CIMIP6: variants seen among roughly 807,000 people sequenced by gnomAD.
The protein encoded by CIMIP6 is uncharacterized protein C2orf73.
chr2:54,377,745 C>A, the CIMIP6 span, among the ~76,000 whole-genome samples: 1 of 140,338 alleles, frequency 7.1e-6, no homozygotes, highest in Admixed American at 7.1e-5. Context: ...GGCTTGGCGT[C>A]GGGGCTGGAG....
chr2:54,360,348 G>C, the CIMIP6 span: 2 of 1,610,686 alleles, frequency 1.2e-6, no homozygotes, highest in Admixed American at 1.7e-5. Context: ...GCGGAAAGCA[G>C]AATGATCTCA....
At chr2:54,383,889 G>C in the CIMIP6 span, 3 of 152,130 alleles carry the variant, frequency 2.0e-5, no homozygotes, top group East Asian at 1.9e-4. Flanking sequence ...AAAAGGACAA[G>C]GTAGGCCCCC....
At chr2:54,344,422 T>C in the CIMIP6 span, among the ~76,000 whole-genome samples, 4 of 152,030 alleles carry the variant, frequency 2.6e-5, no homozygotes, top group East Asian at 1.9e-4. Context: ...TAGAAGCCTA[T>C]TGATAGATAA....
the CIMIP6 span, among the ~76,000 whole-genome samples, chr2:54,376,753 C>T: frequency 6.6e-6 from 1 of 152,218 alleles, no homozygotes; most frequent in Admixed American, 6.5e-5. Context: ...GGTGTTCACA[C>T]ACCTCAACAG....
chr2:54,351,853 C>G, the CIMIP6 span, among the ~76,000 whole-genome samples: 1 of 152,218 alleles, frequency 6.6e-6, no homozygotes, highest in Admixed American at 6.5e-5. Flanking sequence ...AAAGCTTTGA[C>G]AATCAAAACA....
chr2:54,357,135 T>G, the CIMIP6 span, among the ~76,000 whole-genome samples: 2 of 152,222 alleles, frequency 1.3e-5, no homozygotes, highest in African/African-American at 4.8e-5. Context: ...AGCAGTTGAT[T>G]GCAATTAGAA....
At chr2:54,336,670 G>A in the CIMIP6 span, among the ~76,000 whole-genome samples, 1 of 152,180 alleles carries the variant, frequency 6.6e-6, no homozygotes, top group Non-Finnish European at 1.5e-5. Flanking sequence ...AAACAAGTAA[G>A]CTGTATTGGA....
At chr2:54,340,400 C>T in the CIMIP6 span, among the ~76,000 whole-genome samples, 57 of 152,216 alleles carry the variant, frequency 3.7e-4, no homozygotes, top group Admixed American at 3.1e-3. Context: ...GAGGCTCCAT[C>T]CATGTCTTTC....
the CIMIP6 span, among the ~76,000 whole-genome samples, chr2:54,369,289 TAAC>T: frequency 3.0e-4 from 45 of 152,044 alleles, 1 homozygote; most frequent in Non-Finnish European, 5.9e-4. Flanking sequence ...TCATACCATC[TAAC>T]AATAATCTTA....
chr2:54,361,834 C>G, the CIMIP6 span, among the ~76,000 whole-genome samples: 1 of 152,112 alleles, frequency 6.6e-6, no homozygotes, highest in East Asian at 1.9e-4. Flanking sequence ...AGCCTAGGGA[C>G]TTGAATTTTT....
At chr2:54,334,974 T>C in the CIMIP6 span, 1 of 1,605,670 alleles carries the variant, frequency 6.2e-7, no homozygotes, top group Non-Finnish European at 8.5e-7. Flanking sequence ...TGCAAGAACA[T>C]ACAATGAACC....
At chr2:54,380,905 T>C in the CIMIP6 span, among the ~76,000 whole-genome samples, 1 of 152,224 alleles carries the variant, frequency 6.6e-6, no homozygotes, top group African/African-American at 2.4e-5. Context: ...GGCGATATCT[T>C]TTTTAGTCTT....
the CIMIP6 span, among the ~76,000 whole-genome samples, chr2:54,365,079 A>C: frequency 6.6e-6 from 1 of 152,154 alleles, no homozygotes; most frequent in Non-Finnish European, 1.5e-5. Flanking sequence ...GGAGCTGTGC[A>C]AAGAGCCAGG....
the CIMIP6 span, among the ~76,000 whole-genome samples, chr2:54,377,296 A>G: frequency 6.6e-6 from 1 of 152,190 alleles, no homozygotes; most frequent in South Asian, 2.1e-4. Context: ...CTGAATATCA[A>G]TTGGGAAGAG....
the CIMIP6 span, among the ~76,000 whole-genome samples, chr2:54,362,936 G>T: frequency 6.6e-6 from 1 of 152,062 alleles, no homozygotes; most frequent in Non-Finnish European, 1.5e-5. Context: ...CTTGTCTATT[G>T]GTATGCCAGT....
the CIMIP6 span, chr2:54,343,923 T>C: frequency 7.0e-7 from 1 of 1,434,770 alleles, no homozygotes; most frequent in Non-Finnish European, 9.2e-7. Flanking sequence ...AAATTATTGC[T>C]ACCAAAACTA....
chr2:54,350,424 G>C, the CIMIP6 span, among the ~76,000 whole-genome samples: 1 of 152,170 alleles, frequency 6.6e-6, no homozygotes, highest in Non-Finnish European at 1.5e-5. Flanking sequence ...ATGGACTGAG[G>C]ACGGGACTCA....
chr2:54,331,101 A>C, the CIMIP6 span: 3 of 1,162,702 alleles, frequency 2.6e-6, no homozygotes, highest in Non-Finnish European at 3.8e-6. Flanking sequence ...GGCCAAGCTC[A>C]GACAGCCCCC....
At chr2:54,346,494 AC>A in the CIMIP6 span, among the ~76,000 whole-genome samples, 1 of 152,154 alleles carries the variant, frequency 6.6e-6, no homozygotes, top group African/African-American at 2.4e-5. Flanking sequence ...ACCTTTTCAA[AC>A]CTGATATGGC....
Sources: allele counts gnomAD v4.1 joint callset (sites outside exome capture counted in the v4.1 genomes callset), GRCh38; gene constraint gnomAD v4.1.1; transcripts MANE v1.5; gene names NCBI Gene and HGNC (gene_info 2026-07-23, HGNC 2026-07-21).